The following TBC1D5 variants were observed in gnomAD, a reference collection of about 807,000 sequenced individuals.
The protein encoded by TBC1D5 is TBC1 domain family, member 5.
A neutral mutation model predicts 100.3 loss-of-function variants in TBC1D5; 75 were observed. The observed-to-expected ratio is 0.75, with a 90% CI of 0.62 to 0.91. TBC1D5 has a LOEUF of 0.91. Ranked by LOEUF, TBC1D5 falls within the 40% of genes least tolerant of loss-of-function variation. The pLI, the probability that TBC1D5 is intolerant of heterozygous loss-of-function variation, is 0.00. For missense variants in TBC1D5, 910 were observed against 942.4 expected, an observed-to-expected ratio of 0.97 and a Z score of 0.45; for synonymous variants, 323 against 325.6, an observed-to-expected ratio of 0.99 and a Z score of 0.09.
chr3:17,592,663 C>A (rs1490403708), intron 2 of TBC1D5, among the ~76,000 whole-genome samples: 2 of 152,172 alleles, frequency 1.3e-5, no homozygotes, highest in Non-Finnish European at 2.9e-5. Flanking sequence ...TGCAACAAGT[C>A]CGAGCTATTG....
At chr3:17,403,852 T>C (rs896150453) in intron 7 of TBC1D5, among the ~76,000 whole-genome samples, 3 of 152,150 alleles carry the variant, frequency 2.0e-5, no homozygotes, top group African/African-American at 7.2e-5. Flanking sequence ...CACTGCCATA[T>C]GCTACTGCTA....
chr3:17,367,646 G>A (rs2092233904), intron 13 of TBC1D5, among the ~76,000 whole-genome samples: 1 of 152,094 alleles, frequency 6.6e-6, no homozygotes, highest in Admixed American at 6.6e-5. Context: ...ATCACTCAAG[G>A]TCAGGAGTTT....
intron 3 of TBC1D5, among the ~76,000 whole-genome samples, chr3:17,455,392 A>T (rs2095050837): frequency 1.4e-5 from 2 of 146,866 alleles, no homozygotes. Flanking sequence ...CAAAAAAAGT[A>T]TATACACACA....
intron 4 of TBC1D5, among the ~76,000 whole-genome samples, chr3:17,414,941 CAT>C (rs1004121574): frequency 1.2e-4 from 18 of 152,132 alleles, no homozygotes; most frequent in African/African-American, 3.1e-4. Context: ...CTAGGTGAAA[CAT>C]GTTATCATAT....
intron 18 of TBC1D5, among the ~76,000 whole-genome samples, chr3:17,192,221 G>A (rs1333454494): frequency 6.6e-6 from 1 of 151,576 alleles, no homozygotes; most frequent in Admixed American, 6.6e-5. Flanking sequence ...TAACATAATA[G>A]AGAAGAAAAA....
At chr3:17,446,812 A>G (rs1341168438) in intron 3 of TBC1D5, among the ~76,000 whole-genome samples, 1 of 152,178 alleles carries the variant, frequency 6.6e-6, no homozygotes, top group Non-Finnish European at 1.5e-5. Context: ...TCTAGTGAAA[A>G]TACAAAAAAA....
intron 3 of TBC1D5, among the ~76,000 whole-genome samples, chr3:17,487,610 G>C (rs568418458): frequency 6.6e-6 from 1 of 152,272 alleles, no homozygotes; most frequent in South Asian, 2.1e-4. Flanking sequence ...TTAATTAAGA[G>C]ATGTAAGCAG....
chr3:17,266,456 A>G (rs1168985895), intron 15 of TBC1D5, among the ~76,000 whole-genome samples: 1 of 152,110 alleles, frequency 6.6e-6, no homozygotes, highest in Non-Finnish European at 1.5e-5. Context: ...ACTAAGGACA[A>G]TATTCATTTT....
At chr3:17,695,196 C>A (rs113241303) in intron 1 of TBC1D5, among the ~76,000 whole-genome samples, 1 of 152,036 alleles carries the variant, frequency 6.6e-6, no homozygotes, top group Non-Finnish European at 1.5e-5. Context: ...AATTAAAGGG[C>A]AAAATAACCA....
At chr3:17,321,160 T>C (rs1011278499) in intron 13 of TBC1D5, among the ~76,000 whole-genome samples, 2 of 152,224 alleles carry the variant, frequency 1.3e-5, no homozygotes, top group South Asian at 2.1e-4. Context: ...CTTGAACTCC[T>C]AGGCTCAAGC....
chr3:17,369,279 C>G (rs1398933478), intron 13 of TBC1D5, among the ~76,000 whole-genome samples: 1 of 152,038 alleles, frequency 6.6e-6, no homozygotes, highest in African/African-American at 2.4e-5. Context: ...ATGATTCACA[C>G]AGGACATCAT....
intron 2 of TBC1D5, among the ~76,000 whole-genome samples, chr3:17,575,713 C>G (rs1354544575): frequency 2.0e-5 from 3 of 152,044 alleles, no homozygotes; most frequent in Non-Finnish European, 4.4e-5. Context: ...CTTGCAAGGT[C>G]TGTACTCAGT....
intron 17 of TBC1D5, among the ~76,000 whole-genome samples, chr3:17,230,886 C>G (rs1337458773): frequency 6.6e-6 from 1 of 152,088 alleles, no homozygotes; most frequent in Non-Finnish European, 1.5e-5. Flanking sequence ...TTTAAATAAC[C>G]TACGCATATC....
intron 13 of TBC1D5, among the ~76,000 whole-genome samples, chr3:17,336,953 A>C (rs2087939274): frequency 6.6e-6 from 1 of 152,058 alleles, no homozygotes; most frequent in Non-Finnish European, 1.5e-5. Context: ...AAGTATAGAG[A>C]GGGTGATTGC....
intron 9 of TBC1D5, among the ~76,000 whole-genome samples, chr3:17,377,543 CT>C (rs1694236533): frequency 6.6e-6 from 1 of 151,866 alleles, no homozygotes; most frequent in South Asian, 2.1e-4. Flanking sequence ...ACTAGGGATG[CT>C]CTTTTATAAA....
In TBC1D5 at chr3:17,229,984, T is replaced by C. The variant is rs896140716; in HGVS notation, c.1588+8179A>G. On this transcript the variant is annotated intron_variant, in intron 17 of 21. Coordinates refer to ENST00000253692, the Ensembl canonical transcript of TBC1D5. ...CACAAAAATGCATTTTCTAGCTAAC[T>C]GATGTTTCCCAAAATTCATTTTACA... is the stretch of plus-strand genomic sequence containing the variant. Among the ~76,000 whole-genome samples the C allele has an allele frequency of 3.3e-5, 5 of 152,344 alleles. No homozygotes were observed. The East Asian group carries it at 7.7e-4, about 23-fold the overall frequency.
chr3:17,472,809 T>A (rs2095394038), intron 3 of TBC1D5, among the ~76,000 whole-genome samples: 1 of 152,216 alleles, frequency 6.6e-6, no homozygotes, highest in Admixed American at 6.5e-5. Context: ...AAAACATATA[T>A]TTCTACATTA....
Position 17,508,588 on chromosome 3 carries a change from G to A in TBC1D5, c.-18C>T, listed in dbSNP as rs746055293. Reference sequence around the variant, plus strand: ...TGATACATTGTGGGAACTGGACAGCGTCACCAAAAGTAACTACCTGGGAGG... The same window carrying A: ...TGATACATTGTGGGAACTGGACAGCATCACCAAAAGTAACTACCTGGGAGG... On this transcript the variant is annotated 5_prime_UTR_variant, in exon 3 of 22. The change creates a new upstream start codon in the 5' untranslated region. Transcript: ENST00000253692. 7 of 1,574,736 alleles carry A rather than the reference G, an allele frequency of 4.4e-6. No homozygotes were observed. Among genetic ancestry groups the A allele is most frequent in the Middle Eastern group, 1.7e-4 (1 of 6,020 alleles).
chr3:17,680,866 A>T (rs2069355401), intron 1 of TBC1D5, among the ~76,000 whole-genome samples: 1 of 151,546 alleles, frequency 6.6e-6, no homozygotes, highest in South Asian at 2.1e-4. Context: ...GATCTATTTA[A>T]TTAGTCCAGA....
Sources: allele counts gnomAD v4.1 joint callset (sites outside exome capture counted in the v4.1 genomes callset), GRCh38; gene constraint gnomAD v4.1.1; transcripts MANE v1.5; gene names NCBI Gene and HGNC (gene_info 2026-07-23, HGNC 2026-07-21).